NAF1: variants seen among roughly 807,000 people sequenced by gnomAD.
The protein encoded by NAF1 is nuclear assembly factor 1 ribonucleoprotein, also known as H/ACA ribonucleoprotein complex non-core subunit NAF1.
A neutral mutation model predicts 40.6 loss-of-function variants in NAF1; 11 were observed. The observed-to-expected ratio is 0.27, with a 90% CI of 0.17 to 0.45. The LOEUF is 0.45. Among genes scored for constraint, NAF1 ranks in the 20% least tolerant of loss-of-function variants. NAF1 has a pLI of 1.00. For missense variants in NAF1, 607 were observed against 611.1 expected, an observed-to-expected ratio of 0.99 and a Z score of 0.07; for synonymous variants, 260 against 228.5, an observed-to-expected ratio of 1.14 and a Z score of -1.24.
chr4:163,127,115 C>A, downstream of NAF1: 1 of 1,549,936 alleles, frequency 6.5e-7, no homozygotes, highest in Non-Finnish European at 8.7e-7. Context: ...TATACCTGTA[C>A]CTGGGGTAAA....
chr4:163,129,309 T>A lies in NAF1; in HGVS notation c.1073A>T (p.His358Leu). Residue 358 changes from histidine to leucine, a missense_variant, in exon 8 of 8, where the codon CAT becomes CTT. This residue lies in a region of NAF1 where 189 missense variants were observed against 216.6 expected (regional missense o/e 0.87). Coordinates refer to ENST00000274054, the MANE Select transcript of NAF1 (RefSeq NM_138386.3). Reference sequence around the variant, plus strand: ...TTTTGCATGCTCTGAAGCAGAGCTATGAGCATTCCAATTCTGATGTACTTC... The same window carrying A: ...TTTTGCATGCTCTGAAGCAGAGCTAAGAGCATTCCAATTCTGATGTACTTC... ...FTEVHQNWNA[H>L]SSASEHAKGY... 1 of 1,613,048 alleles carries A rather than the reference T, an allele frequency of 6.2e-7. No homozygotes were observed. Among genetic ancestry groups the A allele is most frequent in the South Asian group, 1.1e-5 (1 of 91,056 alleles).
intron 5 of NAF1, 83 bp downstream of exon 5, chr4:163,140,140 T>C (rs1425728198): frequency 4.4e-6 from 5 of 1,134,046 alleles, no homozygotes; most frequent in Non-Finnish European, 6.1e-6. Flanking sequence ...ACAATATAAC[T>C]GTAAGAAATT....
intron 2 of NAF1, chr4:163,117,501 T>C (rs1367856080): frequency 2.0e-5 from 3 of 151,936 alleles, no homozygotes; most frequent in Non-Finnish European, 4.4e-5. Flanking sequence ...CTCCAAGAGA[T>C]TTACAGGTTT....
downstream of NAF1, among the ~76,000 whole-genome samples, chr4:163,108,439 C>T (rs1730084102): frequency 6.6e-6 from 1 of 152,200 alleles, no homozygotes; most frequent in Non-Finnish European, 1.5e-5. Context: ...TGGAGAACAT[C>T]TCTTACTCCC....
intron 2 of NAF1, among the ~76,000 whole-genome samples, chr4:163,121,365 G>GT (rs1730513994): frequency 6.6e-6 from 1 of 151,778 alleles, no homozygotes; most frequent in African/African-American, 2.4e-5. Context: ...AAAATGAGAA[G>GT]TAAAAAAAAA....
chr4:163,149,324 A>G (rs968882242), intron 2 of NAF1, among the ~76,000 whole-genome samples: 2 of 152,300 alleles, frequency 1.3e-5, no homozygotes, highest in East Asian at 3.9e-4. Flanking sequence ...GGAGAAGGAT[A>G]ACTTTTGGAG....
Position 163,129,356 on chromosome 4 carries a change from T to G in NAF1, c.1034-8A>C. 1 of 1,590,738 alleles carries G rather than the reference T, an allele frequency of 6.3e-7. No individual in the cohort carries two copies. The highest frequency in any genetic ancestry group is 8.6e-7 in the Non-Finnish European group (1 of 1,161,538). ...CTTCAGTAAAATCTTCACCTTTGAG[T>G]GAGGGGAGGGAAAACATAAAAAGGA... On this transcript the variant is annotated splice_region_variant and splice_polypyrimidine_tract_variant and intron_variant, in intron 7 of 7. Transcript: ENST00000274054.
At position 163,159,886 on chromosome 4, in the gene NAF1, G is replaced by A. The variant is rs143941524; in HGVS notation, c.540+4331C>T. 3.2e-3 allele frequency among the ~76,000 whole-genome samples: 486 copies of A among 152,110 alleles called. 3 individuals are homozygous for A. Among genetic ancestry groups the A allele is most frequent in the African/African-American group, 0.011 (439 of 41,502 alleles). ...AACATTGTGCTAATAATTTTTAAATGTTATGTGAAGCCTTTCAGGTTTTCA... is the reference window on the plus strand; with the variant it reads ...AACATTGTGCTAATAATTTTTAAATATTATGTGAAGCCTTTCAGGTTTTCA... On this transcript the variant is annotated intron_variant, in intron 2 of 7. Transcript: ENST00000274054.
At chr4:163,105,094 A>G (rs1438703173), downstream of NAF1, among the ~76,000 whole-genome samples, 2 of 152,118 alleles carry the variant, frequency 1.3e-5, no homozygotes, top group South Asian at 2.1e-4. Context: ...TGAAGTTTCT[A>G]TTGTTGTTCC....
intron 6 of NAF1, chr4:163,135,686 A>G (rs1731027925): frequency 6.6e-6 from 1 of 152,310 alleles, no homozygotes; most frequent in African/African-American, 2.4e-5. Flanking sequence ...GCTACTCAGG[A>G]GGCTGAGGCA....
chr4:163,118,480 C>T (rs552292035), intron 2 of NAF1, among the ~76,000 whole-genome samples: 2 of 152,284 alleles, frequency 1.3e-5, no homozygotes, highest in Non-Finnish European at 1.5e-5. Flanking sequence ...TGGCCAGGCA[C>T]GGTGGCTCAC....
chr4:163,144,832 G>C (rs891063110), intron 4 of NAF1, among the ~76,000 whole-genome samples: 3 of 151,896 alleles, frequency 2.0e-5, no homozygotes, highest in Non-Finnish European at 2.9e-5. Context: ...AAATGTAGTG[G>C]GAAATACAAA....
intron 4 of NAF1, among the ~76,000 whole-genome samples, chr4:163,142,561 T>C (rs866672661): frequency 6.6e-6 from 1 of 152,226 alleles, no homozygotes; most frequent in Non-Finnish European, 1.5e-5. Flanking sequence ...TGACTGTTCC[T>C]AGGTTCTGAA....
downstream of NAF1, among the ~76,000 whole-genome samples, chr4:163,105,927 G>C (rs1730041968): frequency 6.6e-6 from 1 of 152,136 alleles, no homozygotes; most frequent in Middle Eastern, 3.2e-3. Context: ...AGAAAATTAT[G>C]AGCAAGTTGC....
At chr4:163,143,031 A>T (rs969213981) in intron 4 of NAF1, among the ~76,000 whole-genome samples, 2 of 152,208 alleles carry the variant, frequency 1.3e-5, no homozygotes, top group East Asian at 3.9e-4. Flanking sequence ...AATTTGGAAA[A>T]GTAGCACCTG....
intron 5 of NAF1, among the ~76,000 whole-genome samples, chr4:163,137,979 T>C (rs1020907169): frequency 6.6e-6 from 1 of 152,192 alleles, no homozygotes; most frequent in African/African-American, 2.4e-5. Flanking sequence ...GTATAATTTG[T>C]GAAAGCTCAT....
intron 2 of NAF1, among the ~76,000 whole-genome samples, chr4:163,116,765 A>C (rs1317949973): frequency 2.0e-5 from 3 of 152,194 alleles, no homozygotes; most frequent in Admixed American, 2.0e-4. Context: ...CTACCTCACA[A>C]AATTGTTGTG....
At chr4:163,157,003 TAGGAA>T (rs889690024) in intron 2 of NAF1, 7 of 151,722 alleles carry the variant, frequency 4.6e-5, no homozygotes, top group African/African-American at 1.7e-4. Context: ...TAACAAAGAG[TAGGAA>T]AGGAAAGGAA....
At chr4:163,115,275 C>T (rs1263079064) in intron 2 of NAF1, among the ~76,000 whole-genome samples, 1 of 137,666 alleles carries the variant, frequency 7.3e-6, no homozygotes, top group Non-Finnish European at 1.5e-5. Context: ...GTGGCGCCAT[C>T]TCGGCTCACT....
Sources: gnomAD v4.1 joint callset for allele counts (sites outside exome capture counted in the v4.1 genomes callset) on GRCh38, gnomAD v4.1.1 for gene constraint, gnomAD v4.1.1 regional missense constraint, MANE v1.5 for transcripts, NCBI Gene and HGNC (gene_info 2026-07-23, HGNC 2026-07-21) for gene names.